The following NME7 variants were observed in gnomAD, a reference collection of about 807,000 sequenced individuals.
The protein encoded by NME7 is nucleoside diphosphate kinase 7.
NME7 carries 41 observed loss-of-function variants against 49.1 expected under a neutral mutation model. The ratio of observed to expected loss-of-function variants is 0.83; its 90% CI spans 0.65 to 1.08. NME7 has a LOEUF of 1.08. Among genes scored for constraint, NME7 ranks in the 50% least tolerant of loss-of-function variants. NME7 has a pLI of 0.00. For synonymous variants in NME7, 139 were observed against 150.6 expected, an observed-to-expected ratio of 0.92 and a Z score of 0.56; for missense variants, 423 against 463.4, an observed-to-expected ratio of 0.91 and a Z score of 0.80.
chr1:169,187,102 T>C (rs1025322439), intron 10 of NME7, among the ~76,000 whole-genome samples: 1 of 152,206 alleles, frequency 6.6e-6, no homozygotes, highest in Non-Finnish European at 1.5e-5. Flanking sequence ...AGTTCTAATT[T>C]GATGGCACTG....
intron 1 of NME7, among the ~76,000 whole-genome samples, chr1:169,354,890 G>GAATATAATATAATATAATATAATAT (rs1193222879): frequency 3.1e-4 from 36 of 115,514 alleles, no homozygotes; most frequent in Admixed American, 5.4e-4. Context: ...AATATATAAT[G>GAATATAATATAATATAATATAATAT]AATATAATAT....
chr1:169,280,721 C>A (rs1396771080), intron 7 of NME7, among the ~76,000 whole-genome samples: 1 of 147,652 alleles, frequency 6.8e-6, no homozygotes, highest in Non-Finnish European at 1.5e-5. Flanking sequence ...AATCTTTTCC[C>A]CATTGCTTGT....
chr1:169,163,787 C>T (rs1453025224), intron 11 of NME7, among the ~76,000 whole-genome samples: 3 of 152,092 alleles, frequency 2.0e-5, no homozygotes, highest in Admixed American at 6.6e-5. Context: ...GTACCTGCAA[C>T]TTTTCTAAAA....
At chr1:169,172,556 T>C (rs1293681204) in intron 10 of NME7, among the ~76,000 whole-genome samples, 1 of 152,174 alleles carries the variant, frequency 6.6e-6, no homozygotes, top group African/African-American at 2.4e-5. Context: ...CAACAAACCA[T>C]CTTTAGTTCA....
intron 10 of NME7, among the ~76,000 whole-genome samples, chr1:169,225,652 T>C (rs373513585): frequency 6.6e-6 from 1 of 152,222 alleles, no homozygotes; most frequent in African/African-American, 2.4e-5. Context: ...TATTACTTTG[T>C]AGATAGTAAA....
chr1:169,296,335 T>C (rs1650705266), intron 6 of NME7, among the ~76,000 whole-genome samples: 1 of 152,190 alleles, frequency 6.6e-6, no homozygotes, highest in African/African-American at 2.4e-5. Context: ...TTACTTGCCT[T>C]ATTTGACACC....
At chr1:169,304,948 CAGA>C (rs1345227056) in intron 4 of NME7, among the ~76,000 whole-genome samples, 1 of 152,090 alleles carries the variant, frequency 6.6e-6, no homozygotes, top group Admixed American at 6.5e-5. Flanking sequence ...GAAGAGTTAG[CAGA>C]AGAATACTAA....
chr1:169,162,149 A>G (rs1262526854), intron 11 of NME7, among the ~76,000 whole-genome samples: 2 of 152,096 alleles, frequency 1.3e-5, no homozygotes, highest in Non-Finnish European at 2.9e-5. Context: ...CAAATTGTCC[A>G]TAAAAACCTT....
intron 8 of NME7, among the ~76,000 whole-genome samples, chr1:169,236,195 A>T (rs1421332401): frequency 6.6e-6 from 1 of 152,148 alleles, no homozygotes; most frequent in Non-Finnish European, 1.5e-5. Context: ...TCATTTATTA[A>T]ATACTTAGAA....
rs1175590843 is a variant in NME7 at position 169,298,740 on chromosome 1, G to T, written c.464C>A (p.Thr155Asn). The T allele has an allele frequency of 6.2e-7, 1 of 1,613,552 alleles. No individual in the cohort carries two copies. The highest frequency in any genetic ancestry group is 8.5e-7 in the Non-Finnish European group (1 of 1,179,770). Residue 155 changes from threonine to asparagine, a missense_variant, in exon 6 of 12, where the codon ACT becomes AAT. Thr to Asn is a moderately conservative substitution (Grantham distance 65, BLOSUM62 0). Transcript: ENST00000367811. The part of the protein sequence containing the change: ...FFNELIQFIT[T>N]GPIIAMEILR... ...AATCTCCATGGCAATAATAGGACCA[G>T]TTGTAATAAACTGGATCAGCTCACT...
intron 1 of NME7, among the ~76,000 whole-genome samples, chr1:169,347,473 G>A (rs1218390032): frequency 1.3e-5 from 2 of 152,160 alleles, no homozygotes; most frequent in Non-Finnish European, 2.9e-5. Context: ...TGAAGGTAGA[G>A]TATGAGGAGA....
At chr1:169,198,475 G>A (rs1344072955) in intron 10 of NME7, among the ~76,000 whole-genome samples, 1 of 152,100 alleles carries the variant, frequency 6.6e-6, no homozygotes, top group African/African-American at 2.4e-5. Context: ...ATCATTTGAT[G>A]AAAGAATAAA....
At chr1:169,244,858 G>A (rs571603718) in intron 7 of NME7, among the ~76,000 whole-genome samples, 1 of 152,212 alleles carries the variant, frequency 6.6e-6, no homozygotes, top group African/African-American at 2.4e-5. Flanking sequence ...CCTGGGTGCG[G>A]TGGCTCATGC....
intron 10 of NME7, among the ~76,000 whole-genome samples, chr1:169,197,068 T>C (rs1660399441): frequency 6.6e-6 from 1 of 152,170 alleles, no homozygotes; most frequent in Non-Finnish European, 1.5e-5. Flanking sequence ...GATCACTTCA[T>C]GTTTTCATGA....
At chr1:169,337,024 C>T (rs923423504) in intron 1 of NME7, among the ~76,000 whole-genome samples, 3 of 152,258 alleles carry the variant, frequency 2.0e-5, no homozygotes, top group African/African-American at 4.8e-5. Context: ...CAGTGGATCC[C>T]GCACCGGGGC....
At chr1:169,274,686 G>C (rs1649628456) in intron 7 of NME7, among the ~76,000 whole-genome samples, 1 of 133,370 alleles carries the variant, frequency 7.5e-6, no homozygotes, top group South Asian at 2.3e-4. Flanking sequence ...TCTACATATG[G>C]CTAGCCAGTT....
intron 1 of NME7, among the ~76,000 whole-genome samples, chr1:169,337,195 G>A (rs1350960555): frequency 2.6e-5 from 4 of 152,230 alleles, no homozygotes; most frequent in Non-Finnish European, 4.4e-5. Context: ...CAGGCATGGC[G>A]GGCTGCAGGT....
intron 7 of NME7, chr1:169,286,439 T>C (rs1029285806): frequency 2.2e-4 from 33 of 152,050 alleles, no homozygotes; most frequent in African/African-American, 7.7e-4. Flanking sequence ...CCCATCTTAC[T>C]TCCAAAAAGA....
intron 1 of NME7, among the ~76,000 whole-genome samples, chr1:169,337,528 A>G (rs765640530): frequency 1.3e-5 from 2 of 152,170 alleles, no homozygotes; most frequent in African/African-American, 4.8e-5. Flanking sequence ...GAGCTCCCAC[A>G]GCGCAGCGGT....
Sources: gnomAD v4.1 joint callset for allele counts (sites outside exome capture counted in the v4.1 genomes callset) on GRCh38, gnomAD v4.1.1 for gene constraint, MANE v1.5 for transcripts, NCBI Gene and HGNC (gene_info 2026-07-23, HGNC 2026-07-21) for gene names.